Variants in CNTN5 observed in about 807,000 individuals in gnomAD.
CNTN5 encodes contactin-5.
CNTN5 carries 77 observed loss-of-function variants against 129.1 expected under a neutral mutation model. The ratio of observed to expected loss-of-function variants is 0.60; its 90% CI spans 0.50 to 0.72. The LOEUF (loss-of-function observed/expected upper bound fraction) is 0.72, where lower values mean the gene tolerates loss of function less well. CNTN5 is among the 30% of genes least tolerant of loss of function. The probability of loss-of-function intolerance (pLI) is 0.00; values close to 1 mark genes in which losing one functional copy is unlikely to be tolerated. For synonymous variants in CNTN5, 509 were observed against 465.6 expected (o/e 1.09, Z -1.20); for missense variants, 1,478 against 1,328.8 (o/e 1.11, Z -1.75).
intron 1 of CNTN5, among the ~76,000 whole-genome samples, chr11:99,227,377 G>T (rs1242577395): frequency 6.6e-6 from 1 of 150,510 alleles, no homozygotes; most frequent in Admixed American, 6.6e-5. Flanking sequence ...AAAAAAGAAA[G>T]AAAAATTATG....
At chr11:100,052,555 T>A (rs1174496792) in intron 9 of CNTN5, among the ~76,000 whole-genome samples, 1 of 151,640 alleles carries the variant, frequency 6.6e-6, no homozygotes, top group Non-Finnish European at 1.5e-5. Context: ...ATGAGAGAAA[T>A]AAAAGAATAC....
At chr11:99,731,553 G>A (rs1049323867) in intron 3 of CNTN5, among the ~76,000 whole-genome samples, 24 of 152,250 alleles carry the variant, frequency 1.6e-4, no homozygotes, top group African/African-American at 5.8e-4. Flanking sequence ...CTGGAGAGAG[G>A]AGGATAGCAG....
At chr11:99,722,605 A>G (rs995385231) in intron 3 of CNTN5, among the ~76,000 whole-genome samples, 1 of 152,078 alleles carries the variant, frequency 6.6e-6, no homozygotes, top group Non-Finnish European at 1.5e-5. Context: ...TAACCTTCAC[A>G]TGTACCCCCC....
intron 1 of CNTN5, among the ~76,000 whole-genome samples, chr11:99,068,758 T>C (rs1052094616): frequency 2.0e-5 from 3 of 152,198 alleles, no homozygotes; most frequent in Non-Finnish European, 4.4e-5. Context: ...TAAAATTCTA[T>C]ACAAAATAAA....
At chr11:99,542,396 A>G (rs533246082) in intron 2 of CNTN5, among the ~76,000 whole-genome samples, 5 of 152,326 alleles carry the variant, frequency 3.3e-5, no homozygotes, top group Admixed American at 2.0e-4. Context: ...TAAAAATTCC[A>G]CATATGAATG....
intron 3 of CNTN5, among the ~76,000 whole-genome samples, chr11:99,712,764 CG>C (rs1319600951): frequency 6.6e-6 from 1 of 151,674 alleles, no homozygotes; most frequent in Non-Finnish European, 1.5e-5. Context: ...GTTTTTGTCA[CG>C]TTTTTTAAAG....
At chr11:100,182,101 T>C (rs1948153888) in intron 13 of CNTN5, among the ~76,000 whole-genome samples, 1 of 152,080 alleles carries the variant, frequency 6.6e-6, no homozygotes, top group Admixed American at 6.6e-5. Flanking sequence ...GGGTTTGTCA[T>C]AAAGACAGGT....
intron 1 of CNTN5, among the ~76,000 whole-genome samples, chr11:99,145,363 C>A (rs569754591): frequency 8.6e-6 from 1 of 116,876 alleles, no homozygotes; most frequent in South Asian, 3.1e-4. Context: ...AGCTACCACG[C>A]CCAACCAGAA....
chr11:99,963,842 G>A (rs1366329087), intron 8 of CNTN5, among the ~76,000 whole-genome samples: 1 of 152,052 alleles, frequency 6.6e-6, no homozygotes, highest in Non-Finnish European at 1.5e-5. Flanking sequence ...ATTGAGCAGT[G>A]GTTTGTAGTT....
chr11:100,282,194 GT>G (rs1466701680), intron 18 of CNTN5, among the ~76,000 whole-genome samples: 3 of 152,126 alleles, frequency 2.0e-5, no homozygotes, highest in Admixed American at 2.0e-4. Context: ...GGCATTTATT[GT>G]AGTTTTTGCA....
intron 4 of CNTN5, among the ~76,000 whole-genome samples, chr11:99,829,116 G>C (rs944600789): frequency 6.6e-6 from 1 of 152,110 alleles, no homozygotes; most frequent in African/African-American, 2.4e-5. Context: ...AATTAGCTCT[G>C]TTCTTTTGAA....
rs545425826 is a variant in CNTN5, at chr11:99,688,090, T to C, written c.56-131454T>C. 2.6e-5 allele frequency among the ~76,000 whole-genome samples: 4 copies of C among 152,322 alleles called. No individual in the cohort carries two copies. In the South Asian group the frequency reaches 6.2e-4, roughly 24 times the overall value. On this transcript the variant is annotated intron_variant, in intron 3 of 24. Transcript: ENST00000524871. ...AATCAGCAGTGGATTCCCTTTGCGA[T>C]ATATTCACCCTGGTTATTTATTTCT...
chr11:99,814,256 C>T (rs745971271), intron 3 of CNTN5, among the ~76,000 whole-genome samples: 60 of 152,140 alleles, frequency 3.9e-4, no homozygotes, highest in Non-Finnish European at 6.8e-4. Context: ...TGAGTGTATG[C>T]GTGTACAGGC....
chr11:100,227,145 A>G (rs963692240), intron 16 of CNTN5, among the ~76,000 whole-genome samples: 4 of 152,132 alleles, frequency 2.6e-5, no homozygotes, highest in Non-Finnish European at 4.4e-5. Context: ...CATCACAAGG[A>G]ACGTACTTGG....
chr11:99,364,350 T>C (rs1297723431), intron 2 of CNTN5, among the ~76,000 whole-genome samples: 1 of 152,118 alleles, frequency 6.6e-6, no homozygotes, highest in Non-Finnish European at 1.5e-5. Context: ...ATTAGCATAA[T>C]ATGCTAATTT....
chr11:99,882,780 C>T (rs929488136), intron 6 of CNTN5, among the ~76,000 whole-genome samples: 2 of 152,066 alleles, frequency 1.3e-5, no homozygotes, highest in Non-Finnish European at 2.9e-5. Context: ...GTTAGCCTGT[C>T]GTGCTATCAA....
intron 3 of CNTN5, among the ~76,000 whole-genome samples, chr11:99,762,309 C>A (rs1944608533): frequency 6.6e-6 from 1 of 151,102 alleles, no homozygotes; most frequent in African/African-American, 2.4e-5. Context: ...GTTGCCATTG[C>A]TTTTGGTGTT....
rs1007525938 is a variant in CNTN5 at position 99,538,358 on chromosome 11, C to T, written c.-70-17787C>T. ...ACAAGAGTCTGTTTTAATAATAGGA[C>T]GAATAAAAAGATTTCCAATCCACTT... On this transcript the variant is annotated intron_variant, in intron 2 of 24. Coordinates refer to ENST00000524871, the MANE Select transcript of CNTN5 (RefSeq NM_014361.4). 5.3e-5 allele frequency among the ~76,000 whole-genome samples: 8 copies of T among 151,920 alleles called. No individual in the cohort carries two copies. In the East Asian group the frequency reaches 1.2e-3, roughly 22 times the overall value.
chr11:99,602,671 C>T (rs1303686511), intron 3 of CNTN5, among the ~76,000 whole-genome samples: 5 of 151,196 alleles, frequency 3.3e-5, no homozygotes, highest in Admixed American at 3.3e-4. Flanking sequence ...AAAAATGTAT[C>T]AAAAATCACA....
Sources: allele counts gnomAD v4.1 joint callset (sites outside exome capture counted in the v4.1 genomes callset), GRCh38; gene constraint gnomAD v4.1.1; transcripts MANE v1.5; gene names NCBI Gene and HGNC (gene_info 2026-07-23, HGNC 2026-07-21).